Variants in SLC7A5 observed in about 807,000 individuals in gnomAD.
The protein encoded by SLC7A5 is large neutral amino acids transporter small subunit 1.
In SLC7A5, 23 loss-of-function variants were observed where a neutral mutation model predicts 50.2. That is an observed-to-expected ratio of 0.46 (90% CI 0.33 to 0.65). The LOEUF (loss-of-function observed/expected upper bound fraction) is 0.65. Among genes scored for constraint, SLC7A5 ranks in the 30% least tolerant of loss-of-function variants. The pLI, the probability that SLC7A5 is intolerant of heterozygous loss-of-function variation, is 0.02. For synonymous variants in SLC7A5, 393 were observed against 330.6 expected (o/e 1.19, Z -2.05); for missense variants, 578 against 684.4 (o/e 0.84, Z 1.73).
rs763815957 is a variant in SLC7A5, at chr16:87,869,100, G to A, written c.323C>T (p.Thr108Ile). ...VGALCYAELG[T>I]TISKSGGDYA... ...GTCGCCGCCCGATTTGGAGATGGTG[G>A]TGCCGAGCTCCGCGTAGCAGAGCGC... Residue 108 changes from threonine to isoleucine, a missense_variant, in exon 1 of 10, where the codon ACC (threonine) becomes ATC (isoleucine). Thr to Ile is a moderately conservative substitution (Grantham distance 89). Around this residue, in one of 2 missense-constraint regions of SLC7A5, gnomAD observed 465 missense variants for 594.6 expected, o/e 0.78. Coordinates refer to ENST00000261622, the MANE Select transcript of SLC7A5 (RefSeq NM_003486.7). The A allele has an allele frequency of 3.7e-6, 6 of 1,611,826 alleles. No individual in the cohort carries two copies. The highest frequency in any genetic ancestry group is 5.1e-6 in the Non-Finnish European group (6 of 1,179,776).
Position 87,833,184 on chromosome 16 carries a change from A to G in SLC7A5, c.1469-159T>C, listed in dbSNP as rs1057274489. ...GGAACCTTCCCTTGTGTACTTGCGC[A>G]TGTGGGTGCCGGGTGCCCGAGGCGC... On this transcript the variant is annotated intron_variant, in intron 9 of 9. Coordinates refer to ENST00000261622, the MANE Select transcript of SLC7A5 (RefSeq NM_003486.7). The surrounding 1 kb of genome is among the most constrained non-coding windows in gnomAD (Gnocchi z 6.0). Among the ~76,000 whole-genome samples, 1 of 152,216 alleles carries G rather than the reference A, an allele frequency of 6.6e-6. No homozygotes were observed. Among genetic ancestry groups the G allele is most frequent in the Non-Finnish European group, 1.5e-5 (1 of 68,026 alleles).
At chr16:87,851,669 G>C (rs1165508844) in intron 2 of SLC7A5, 55 bp downstream of exon 2, 4 of 1,591,406 alleles carry the variant, frequency 2.5e-6, no homozygotes, top group Non-Finnish European at 2.6e-6. Context: ...CCCTGTGAAG[G>C]ACACACAGGC....
rs1567502648 is a variant in SLC7A5 at position 87,862,996 on chromosome 16, C to T, written c.538+5889G>A. On this transcript the variant is annotated intron_variant, in intron 1 of 9. Transcript: ENST00000261622. This position sits in a 1 kb window ranked among gnomAD's most constrained non-coding sequence, Gnocchi z 5.3. ...GCCAGAGTCCCGCGAGACCGACGGA[C>T]GGCCTGCCCCTGCGTGACGGCACGC... is the stretch of plus-strand genomic sequence containing the variant. Among the ~76,000 whole-genome samples, 2 of 152,232 alleles carry T rather than the reference C, an allele frequency of 1.3e-5. No individual in the cohort carries two copies. The highest frequency in any genetic ancestry group is 2.9e-5 in the Non-Finnish European group (2 of 68,042).
At chr16:87,851,579 AT>A in intron 2 of SLC7A5, 144 bp downstream of exon 2, 1 of 1,093,932 alleles carries the variant, frequency 9.1e-7, no homozygotes, top group Non-Finnish European at 1.3e-6. Context: ...TTGCTGGGTG[AT>A]TTTCCCAGAG....
At chr16:87,856,332 T>C (rs1261792705) in intron 1 of SLC7A5, among the ~76,000 whole-genome samples, 6 of 152,152 alleles carry the variant, frequency 3.9e-5, no homozygotes, top group Admixed American at 3.9e-4. Flanking sequence ...CAAATGACGA[T>C]TGTTTACCCA....
In SLC7A5 at chr16:87,861,354, C is replaced by A. The variant is rs1056134329; in HGVS notation, c.538+7531G>T. Reference sequence around the variant, plus strand: ...TCCTTACCTGGGCCGACTGGGCCACCCAGTCTTGCTGACTGACACCTCCCC... The same window carrying A: ...TCCTTACCTGGGCCGACTGGGCCACACAGTCTTGCTGACTGACACCTCCCC... On this transcript the variant is annotated intron_variant, in intron 1 of 9. Transcript: ENST00000261622. The surrounding 1 kb of genome is among the most constrained non-coding windows in gnomAD (Gnocchi z 4.2). 2.6e-5 allele frequency among the ~76,000 whole-genome samples: 4 copies of A among 152,144 alleles called. No individual in the cohort carries two copies. Among genetic ancestry groups the A allele is most frequent in the African/African-American group, 9.7e-5 (4 of 41,418 alleles).
chr16:87,851,652 C>T, intron 2 of SLC7A5, 72 bp downstream of exon 2: 2 of 1,572,294 alleles, frequency 1.3e-6, no homozygotes, highest in Non-Finnish European at 1.7e-6. Flanking sequence ...GGGGACGGGA[C>T]CTCATGCCCT....
At chr16:87,837,574 C>T (rs566798103) in intron 7 of SLC7A5, 10 of 473,466 alleles carry the variant, frequency 2.1e-5, no homozygotes, top group South Asian at 1.0e-4. Flanking sequence ...GTGAGCCAGG[C>T]GGCTGGCAGA....
Position 87,862,968 on chromosome 16 carries a change from G to A in SLC7A5, c.538+5917C>T, listed in dbSNP as rs1279730774. Among the ~76,000 whole-genome samples the A allele has an allele frequency of 6.6e-6, 1 of 152,204 alleles. No homozygotes were observed. Among genetic ancestry groups the A allele is most frequent in the Non-Finnish European group, 1.5e-5 (1 of 68,034 alleles). Reference sequence around the variant, plus strand: ...TGAGGCCAGGTGTCCTCAGCCACCCGCAGCCAGAGTCCCGCGAGACCGACG... The same window carrying A: ...TGAGGCCAGGTGTCCTCAGCCACCCACAGCCAGAGTCCCGCGAGACCGACG... On this transcript the variant is annotated intron_variant, in intron 1 of 9. Transcript: ENST00000261622. This position sits in a 1 kb window ranked among gnomAD's most constrained non-coding sequence, Gnocchi z 5.3.
At chr16:87,866,558 T>C (rs918261199) in intron 1 of SLC7A5, among the ~76,000 whole-genome samples, 11 of 151,792 alleles carry the variant, frequency 7.2e-5, no homozygotes, top group South Asian at 2.1e-4. Context: ...CTCCACCTCC[T>C]GGGTTCTAGT....
At chr16:87,835,443 C>CT (rs2143707833) in intron 8 of SLC7A5, among the ~76,000 whole-genome samples, 1 of 152,386 alleles carries the variant, frequency 6.6e-6, no homozygotes, top group East Asian at 1.9e-4. Context: ...GCAGCCTTCT[C>CT]TTGGGGCAGC....
intron 1 of SLC7A5, among the ~76,000 whole-genome samples, chr16:87,865,885 G>A (rs1323431019): frequency 6.6e-6 from 1 of 152,196 alleles, no homozygotes; most frequent in Non-Finnish European, 1.5e-5. Context: ...AAATTGGGAG[G>A]CTGAGGCACA....
At chr16:87,840,998 G>T in intron 3 of SLC7A5, 52 bp downstream of exon 3, 1 of 1,290,568 alleles carries the variant, frequency 7.7e-7, no homozygotes, top group South Asian at 1.2e-5. Context: ...TCCTGGACAC[G>T]TCAGGGACTG....
intron 2 of SLC7A5, among the ~76,000 whole-genome samples, chr16:87,842,980 G>A (rs1191755939): frequency 6.6e-6 from 1 of 152,114 alleles, no homozygotes; most frequent in Non-Finnish European, 1.5e-5. Flanking sequence ...ACTTCTGCTG[G>A]GGGGAGCATC....
rs377188472 is a variant in SLC7A5, at chr16:87,860,339, A to ATAT, written c.539-8491_539-8490insATA. On this transcript the variant is annotated intron_variant, in intron 1 of 9. Transcript: ENST00000261622. The surrounding 1 kb of genome is among the most constrained non-coding windows in gnomAD (Gnocchi z 4.8). ...CAAAAGCATCTCAAAAAAAAAAAAA[A>ATAT]ATACACACACACACACACACACACA... Among the ~76,000 whole-genome samples, 161 of 108,192 alleles carry ATAT rather than the reference A, an allele frequency of 1.5e-3. 5 individuals carry two copies. Among genetic ancestry groups the ATAT allele is most frequent in the African/African-American group, 5.9e-3 (152 of 25,674 alleles). The allele number at this position is 108,192 out of a possible 152,430, so 71.0% of individuals were successfully genotyped here.
At chr16:87,839,905 TC>T in intron 4 of SLC7A5, 80 bp from the exon 5 acceptor site, 4 of 1,589,200 alleles carry the variant, frequency 2.5e-6, no homozygotes, top group Non-Finnish European at 3.4e-6. Context: ...CCAGGTGGGC[TC>T]CTCGCAAGCA....
At position 87,861,383 on chromosome 16, in the gene SLC7A5, C is replaced by T. The variant is rs1440996085; in HGVS notation, c.538+7502G>A. ...TCTTGCTGACTGACACCTCCCCAGA[C>T]CCCTGGCACCCACCAGACTCCCCAG... is the stretch of plus-strand genomic sequence containing the variant. On this transcript the variant is annotated intron_variant, in intron 1 of 9. Coordinates refer to ENST00000261622, the MANE Select transcript of SLC7A5 (RefSeq NM_003486.7). This position sits in a 1 kb window ranked among gnomAD's most constrained non-coding sequence, Gnocchi z 4.2. 6.6e-6 allele frequency among the ~76,000 whole-genome samples: 1 copy of T among 152,178 alleles called. No individual in the cohort carries two copies. Among genetic ancestry groups the T allele is most frequent in the Non-Finnish European group, 1.5e-5 (1 of 68,012 alleles).
In SLC7A5 at chr16:87,862,137, G is replaced by A. The variant is rs1597517726; in HGVS notation, c.538+6748C>T. On this transcript the variant is annotated intron_variant, in intron 1 of 9. Transcript: ENST00000261622. The surrounding 1 kb of genome is among the most constrained non-coding windows in gnomAD (Gnocchi z 5.3). The stretch of plus-strand genomic sequence containing the variant: ...AGAAGTGGGGCTACAGGCTACAGGT[G>A]CTTGATACCCCAGGGGGGCCCTGGA... Among the ~76,000 whole-genome samples, 1 of 152,114 alleles carries A rather than the reference G, an allele frequency of 6.6e-6. No individual in the cohort carries two copies. The highest frequency in any genetic ancestry group is 1.5e-5 in the Non-Finnish European group (1 of 68,010).
chr16:87,842,557 G>C (rs988977421), intron 2 of SLC7A5, among the ~76,000 whole-genome samples: 6 of 152,238 alleles, frequency 3.9e-5, no homozygotes, highest in African/African-American at 1.4e-4. Flanking sequence ...CCCAGTTCCT[G>C]TTTTGCACCT....
Sources: allele counts gnomAD v4.1 joint callset (sites outside exome capture counted in the v4.1 genomes callset), GRCh38; gene constraint gnomAD v4.1.1; regional missense constraint gnomAD v4.1.1; non-coding constraint Gnocchi (gnomAD v3.1); transcripts MANE v1.5; gene names NCBI Gene and HGNC (gene_info 2026-07-23, HGNC 2026-07-21).